CIMIP3: variants seen among roughly 807,000 people sequenced by gnomAD.
CIMIP3 encodes the protein ciliary microtubule inner protein 3.
the CIMIP3 span, among the ~76,000 whole-genome samples, chr6:42,156,306 C>CTTTTTTTTTTT: frequency 1.5e-5 from 2 of 137,078 alleles, no homozygotes. Flanking sequence ...ATTTTTTTTT[C>CTTTTTTTTTTT]TTTTTTTTTT....
At chr6:42,155,430 G>T in the CIMIP3 span, 2 of 662,618 alleles carry the variant, frequency 3.0e-6, no homozygotes, top group South Asian at 1.7e-5. Flanking sequence ...AGTCCTCCCT[G>T]ACCACCAGAA....
chr6:42,159,971 G>A, the CIMIP3 span, among the ~76,000 whole-genome samples: 94,554 of 151,546 alleles, frequency 0.62, 29,731 homozygotes, highest in South Asian at 0.7. Context: ...CGGTGCTACA[G>A]ACTGAAGTGG....
the CIMIP3 span, among the ~76,000 whole-genome samples, chr6:42,158,152 T>C: frequency 6.6e-6 from 1 of 152,134 alleles, no homozygotes; most frequent in Admixed American, 6.5e-5. Context: ...ACGAGGAGCA[T>C]GTGAGCAAAG....
the CIMIP3 span, among the ~76,000 whole-genome samples, chr6:42,162,500 G>T: frequency 1.3e-5 from 2 of 151,448 alleles, no homozygotes; most frequent in African/African-American, 4.9e-5. Flanking sequence ...AGCCCTGGTG[G>T]AGGGCAAGCT....
At chr6:42,162,285 G>A in the CIMIP3 span, among the ~76,000 whole-genome samples, 3 of 149,876 alleles carry the variant, frequency 2.0e-5, no homozygotes, top group Admixed American at 2.0e-4. Context: ...GTGGTGGCGG[G>A]TGCCTGTAAT....
At chr6:42,157,125 C>A in the CIMIP3 span, among the ~76,000 whole-genome samples, 40 of 152,304 alleles carry the variant, frequency 2.6e-4, no homozygotes, top group African/African-American at 8.9e-4. Flanking sequence ...CTCTAAACCC[C>A]GGCATAAGGG....
the CIMIP3 span, among the ~76,000 whole-genome samples, chr6:42,157,996 G>A: frequency 6.6e-6 from 1 of 152,162 alleles, no homozygotes. Context: ...CCCGCTGGAA[G>A]GCAGTAGCAC....
At chr6:42,162,544 C>T in the CIMIP3 span, among the ~76,000 whole-genome samples, 1 of 149,880 alleles carries the variant, frequency 6.7e-6, no homozygotes, top group Non-Finnish European at 1.5e-5. Flanking sequence ...GGTCGAAGGC[C>T]TGACGGAGCA....
At chr6:42,163,308 C>A in the CIMIP3 span, 1 of 491,510 alleles carries the variant, frequency 2.0e-6, no homozygotes, top group South Asian at 4.0e-5. Context: ...CTCAGGTCCC[C>A]AAGGGGAAGG....
the CIMIP3 span, among the ~76,000 whole-genome samples, chr6:42,157,051 T>C: frequency 6.6e-6 from 1 of 152,204 alleles, no homozygotes; most frequent in Non-Finnish European, 1.5e-5. Context: ...CCTGTAGTAA[T>C]ATCACAGATG....
the CIMIP3 span, among the ~76,000 whole-genome samples, chr6:42,161,289 T>A: frequency 6.6e-6 from 1 of 152,226 alleles, no homozygotes; most frequent in Non-Finnish European, 1.5e-5. Flanking sequence ...CCACTAACCC[T>A]GTACCTAGGG....
At chr6:42,158,627 C>T in the CIMIP3 span, among the ~76,000 whole-genome samples, 244 of 152,352 alleles carry the variant, frequency 1.6e-3, no homozygotes, top group African/African-American at 5.5e-3. Context: ...TACTTACATG[C>T]TATTCTACAA....
the CIMIP3 span, among the ~76,000 whole-genome samples, chr6:42,162,515 G>A: frequency 2.0e-5 from 3 of 151,422 alleles, no homozygotes; most frequent in South Asian, 2.1e-4. Context: ...CAAGCTGGAG[G>A]GGCCCCACAG....
At chr6:42,155,573 C>T in the CIMIP3 span, 40 of 717,456 alleles carry the variant, frequency 5.6e-5, no homozygotes, top group Admixed American at 5.4e-4. Flanking sequence ...CCCCAGCCAG[C>T]CTCACATGTG....
chr6:42,160,812 C>G, the CIMIP3 span, among the ~76,000 whole-genome samples: 11 of 152,178 alleles, frequency 7.2e-5, no homozygotes, highest in African/African-American at 2.4e-4. Context: ...CACATTTATA[C>G]CTGGGTAGGA....
the CIMIP3 span, among the ~76,000 whole-genome samples, chr6:42,156,427 G>A: frequency 2.0e-5 from 3 of 151,580 alleles, no homozygotes; most frequent in Non-Finnish European, 2.9e-5. Context: ...TGAATTACAG[G>A]TGTGAGCCAC....
At chr6:42,163,362 G>A in the CIMIP3 span, 1 of 421,150 alleles carries the variant, frequency 2.4e-6, no homozygotes, top group Non-Finnish European at 4.2e-6. Flanking sequence ...GGCTAAGACA[G>A]CTGTGCCATG....
At chr6:42,158,862 C>T in the CIMIP3 span, among the ~76,000 whole-genome samples, 75,345 of 151,916 alleles carry the variant, frequency 0.5, 19,934 homozygotes, top group Non-Finnish European at 0.59. Context: ...CCTCTGTCAC[C>T]CCTGGCCCCA....
chr6:42,155,518 G>C, the CIMIP3 span: 1 of 717,188 alleles, frequency 1.4e-6, no homozygotes, highest in East Asian at 2.7e-5. Context: ...GGGAAGGTCA[G>C]CTCGGGGTCA....
Sources: allele counts gnomAD v4.1 joint callset (sites outside exome capture counted in the v4.1 genomes callset), GRCh38; gene constraint gnomAD v4.1.1; transcripts MANE v1.5; gene names NCBI Gene and HGNC (gene_info 2026-07-23, HGNC 2026-07-21).